GRID1: variants seen among roughly 807,000 people sequenced by gnomAD.
GRID1 encodes the protein glutamate receptor ionotropic, delta-1.
Under a neutral mutation model 98.0 loss-of-function variants are expected in GRID1, and 28 were observed. The ratio of observed to expected loss-of-function variants is 0.29; its 90% CI spans 0.21 to 0.39. The LOEUF (loss-of-function observed/expected upper bound fraction) is 0.39, where lower values mean the gene tolerates loss of function less well. Among genes scored for constraint, GRID1 ranks in the 10% least tolerant of loss-of-function variants. GRID1 has a pLI of 1.00. For missense variants in GRID1, 1,111 were observed against 1,340.5 expected (o/e 0.83, Z 2.67); for synonymous variants, 553 against 538.5 (o/e 1.03, Z -0.37).
At chr10:85,962,886 G>A (rs1325650158) in intron 4 of GRID1, among the ~76,000 whole-genome samples, 1 of 152,202 alleles carries the variant, frequency 6.6e-6, no homozygotes, top group East Asian at 1.9e-4. Flanking sequence ...GCAATGCTGA[G>A]TGAGACTTGG....
intron 3 of GRID1, among the ~76,000 whole-genome samples, chr10:86,164,060 G>A (rs1364869855): frequency 6.6e-6 from 1 of 152,194 alleles, no homozygotes; most frequent in Non-Finnish European, 1.5e-5. Flanking sequence ...GGGAACAGTT[G>A]TCAAAACAAA....
chr10:86,345,216 G>C (rs1353253244), intron 2 of GRID1, among the ~76,000 whole-genome samples: 1 of 152,228 alleles, frequency 6.6e-6, no homozygotes, highest in African/African-American at 2.4e-5. Flanking sequence ...GCTGCCATAT[G>C]TTATGAAATG....
intron 4 of GRID1, among the ~76,000 whole-genome samples, chr10:86,010,854 C>T (rs561294502): frequency 8.7e-5 from 13 of 148,916 alleles, no homozygotes; most frequent in Non-Finnish European, 1.8e-4. Flanking sequence ...GGTGTGAAGG[C>T]GTGTGTGTAT....
At chr10:85,789,021 A>G (rs1842454756) in intron 8 of GRID1, among the ~76,000 whole-genome samples, 1 of 142,120 alleles carries the variant, frequency 7.0e-6, no homozygotes, top group Non-Finnish European at 1.6e-5. Flanking sequence ...ATTAAGAGGG[A>G]AAAAAAACAA....
chr10:85,613,231 T>C, intron 15 of GRID1, 176 bp downstream of exon 15: 1 of 676,040 alleles, frequency 1.5e-6, no homozygotes, highest in Non-Finnish European at 2.4e-6. Context: ...ACATTTCTTC[T>C]CTAGTTTTAA....
chr10:86,081,668 G>A (rs895638801), intron 4 of GRID1, among the ~76,000 whole-genome samples: 1 of 152,174 alleles, frequency 6.6e-6, no homozygotes, highest in Non-Finnish European at 1.5e-5. Flanking sequence ...CCAGACAATG[G>A]AATATTATTC....
intron 5 of GRID1, among the ~76,000 whole-genome samples, chr10:85,904,578 G>A (rs553668776): frequency 1.3e-5 from 2 of 152,112 alleles, no homozygotes; most frequent in South Asian, 4.1e-4. Flanking sequence ...AACTAAAACA[G>A]AATTAGAATT....
intron 3 of GRID1, among the ~76,000 whole-genome samples, chr10:86,158,142 A>G (rs1020442235): frequency 6.6e-6 from 1 of 152,172 alleles, no homozygotes; most frequent in African/African-American, 2.4e-5. Context: ...AAGAATTTCC[A>G]TTCATCGGCC....
chr10:85,872,778 A>T (rs1040455083), intron 5 of GRID1, among the ~76,000 whole-genome samples: 46 of 152,314 alleles, frequency 3.0e-4, no homozygotes, highest in African/African-American at 1.1e-3. Flanking sequence ...GAGGGTCTGC[A>T]GGTACCTTGC....
intron 8 of GRID1, among the ~76,000 whole-genome samples, chr10:85,745,559 C>G (rs1210031996): frequency 7.9e-6 from 1 of 126,894 alleles, no homozygotes; most frequent in Non-Finnish European, 1.7e-5. Flanking sequence ...ATATCACACT[C>G]TGGGGACGGT....
chr10:86,347,420 G>A (rs1467079392), intron 2 of GRID1, among the ~76,000 whole-genome samples: 2 of 152,228 alleles, frequency 1.3e-5, no homozygotes, highest in Non-Finnish European at 2.9e-5. Context: ...CAATCAGGGT[G>A]TTCTACTCCT....
rs144557516 is a variant in GRID1, at chr10:85,699,022, T to A, written c.1997+23981A>T. 1.5e-3 allele frequency among the ~76,000 whole-genome samples: 225 copies of A among 152,234 alleles called. 5 individuals are homozygous for A. In the East Asian group the frequency reaches 0.037, roughly 25 times the overall value. On this transcript the variant is annotated intron_variant, in intron 12 of 15. Coordinates refer to ENST00000327946, the MANE Select transcript of GRID1 (RefSeq NM_017551.3). ...TTTTTTCATAGTTGAATTTTTTTGT[T>A]TGTTTGTTTTGGGGTTTTGTTTTGT...
chr10:86,129,367 C>T (rs73344092), intron 4 of GRID1, among the ~76,000 whole-genome samples: 10,917 of 152,242 alleles, frequency 0.072, 779 homozygotes, highest in African/African-American at 0.17. Flanking sequence ...CCTCTCCCAA[C>T]AGCACATAGT....
chr10:85,969,355 T>G (rs1479742840), intron 4 of GRID1, among the ~76,000 whole-genome samples: 1 of 152,172 alleles, frequency 6.6e-6, no homozygotes, highest in African/African-American at 2.4e-5. Flanking sequence ...AACAGATATC[T>G]ATGGAACACT....
At chr10:85,807,718 A>G (rs1485848278) in intron 8 of GRID1, among the ~76,000 whole-genome samples, 1 of 152,204 alleles carries the variant, frequency 6.6e-6, no homozygotes, top group East Asian at 1.9e-4. Context: ...TAAGAAGCCT[A>G]AAAAATAGTA....
At chr10:86,017,711 A>T (rs574705011) in intron 4 of GRID1, among the ~76,000 whole-genome samples, 1 of 152,350 alleles carries the variant, frequency 6.6e-6, no homozygotes, top group East Asian at 1.9e-4. Context: ...CCCTTGAGTT[A>T]TTTGTGTGAA....
chr10:86,016,959 G>A (rs1008266878), intron 4 of GRID1, among the ~76,000 whole-genome samples: 13 of 152,178 alleles, frequency 8.5e-5, no homozygotes, highest in Admixed American at 6.5e-4. Context: ...TAAGTCATTC[G>A]TTCAATGAAC....
intron 15 of GRID1, among the ~76,000 whole-genome samples, chr10:85,612,795 G>GAA (rs1842748600): frequency 6.6e-6 from 1 of 152,052 alleles, no homozygotes; most frequent in African/African-American, 2.4e-5. Flanking sequence ...AGGAAGTGTG[G>GAA]AGGGGCAGAA....
Position 85,855,169 on chromosome 10 carries a change from A to G in GRID1, c.1114-554T>C, listed in dbSNP as rs60374032. Among the ~76,000 whole-genome samples, 846 of 152,294 alleles carry G rather than the reference A, an allele frequency of 5.6e-3. 6 individuals are homozygous for G. Among genetic ancestry groups the G allele is most frequent in the African/African-American group, 0.019 (798 of 41,568 alleles). On this transcript the variant is annotated intron_variant, in intron 7 of 15. Coordinates refer to ENST00000327946, the MANE Select transcript of GRID1 (RefSeq NM_017551.3). The stretch of plus-strand genomic sequence containing the variant: ...CCCAGCTTTGGCCTGAAGTTAATTA[A>G]CTCCACATCATAGAACCCACAAAGA...
Sources: allele counts gnomAD v4.1 joint callset (sites outside exome capture counted in the v4.1 genomes callset), GRCh38; gene constraint gnomAD v4.1.1; transcripts MANE v1.5; gene names NCBI Gene and HGNC (gene_info 2026-07-23, HGNC 2026-07-21).